KAT6A: variants seen among roughly 807,000 people sequenced by gnomAD.
KAT6A encodes the protein lysine acetyltransferase 6A, also known as histone acetyltransferase KAT6A.
A neutral mutation model predicts 198.4 loss-of-function variants in KAT6A; 9 were observed. The observed-to-expected ratio is 0.05, with a 90% CI of 0.03 to 0.08. KAT6A has a LOEUF of 0.08. Among genes scored for constraint, KAT6A ranks in the 10% least tolerant of loss-of-function variants. The pLI is 1.00. For synonymous variants in KAT6A, 890 were observed against 883.0 expected (o/e 1.01, Z -0.14); for missense variants, 2,077 against 2,509.9 (o/e 0.83, Z 3.69).
At chr8:41,971,906 A>C (rs1253934529) in intron 8 of KAT6A, among the ~76,000 whole-genome samples, 1 of 152,082 alleles carries the variant, frequency 6.6e-6, no homozygotes, top group African/African-American at 2.4e-5. Context: ...AGAAAAAAAA[A>C]ATCAAGATGA....
At chr8:42,036,609 A>C (rs531252302) in intron 2 of KAT6A, among the ~76,000 whole-genome samples, 2 of 152,034 alleles carry the variant, frequency 1.3e-5, no homozygotes, top group South Asian at 4.2e-4. Flanking sequence ...CAAGACTCCA[A>C]CTCAAAAAAA....
chr8:41,969,460 C>G (rs1823668759), intron 8 of KAT6A, among the ~76,000 whole-genome samples: 1 of 152,166 alleles, frequency 6.6e-6, no homozygotes, highest in Non-Finnish European at 1.5e-5. Context: ...AAACTCATCA[C>G]TAAGTTCTGC....
At chr8:42,015,595 T>C (rs535760054) in intron 2 of KAT6A, among the ~76,000 whole-genome samples, 1 of 152,302 alleles carries the variant, frequency 6.6e-6, no homozygotes, top group East Asian at 1.9e-4. Flanking sequence ...AATGTATAGA[T>C]AAATTTCAAC....
At position 41,945,457 on chromosome 8, in the gene KAT6A, A is replaced by G. The variant is rs535218445; in HGVS notation, c.1996+1134T>C. On this transcript the variant is annotated intron_variant, in intron 12 of 16. Transcript: ENST00000265713. ...AGCTAATTTTTTGTATTTTTAGTAG[A>G]GACGAGGTTTCACCATGTTGGGCAG... Among the ~76,000 whole-genome samples the G allele has an allele frequency of 7.2e-5, 11 of 151,850 alleles. No individual in the cohort carries two copies. The South Asian group carries it at 2.1e-3, about 29-fold the overall frequency.
At chr8:41,968,919 T>C (rs1449913230) in intron 8 of KAT6A, among the ~76,000 whole-genome samples, 1 of 152,160 alleles carries the variant, frequency 6.6e-6, no homozygotes, top group African/African-American at 2.4e-5. Flanking sequence ...TTTAAAAAAA[T>C]TAAAACCAAT....
At chr8:41,942,273 ATATTC>A (rs1452167206) in intron 14 of KAT6A, 3 of 226,194 alleles carry the variant, frequency 1.3e-5, no homozygotes, top group Non-Finnish European at 2.6e-5. Context: ...TAGTTACTTA[ATATTC>A]TATTTAAGGA....
chr8:42,008,319 A>T (rs767584501), intron 2 of KAT6A, among the ~76,000 whole-genome samples: 2 of 152,070 alleles, frequency 1.3e-5, no homozygotes, highest in Non-Finnish European at 2.9e-5. Flanking sequence ...GAGCCTAAAA[A>T]CTGAAACCCT....
chr8:42,012,023 C>T (rs183337638), intron 2 of KAT6A, among the ~76,000 whole-genome samples: 1 of 152,120 alleles, frequency 6.6e-6, no homozygotes, highest in African/African-American at 2.4e-5. Context: ...TTCACACAAC[C>T]AATCGTTAGG....
In KAT6A at chr8:41,946,598, G is replaced by A. The variant is rs199835160; in HGVS notation, c.1989C>T (p.Ile663=). The part of the protein sequence containing the change: ...YQRKGYGRFL[I]DFSYLLSKRE... ...AATTAATATAATCCTTACTGAAATC[G>A]ATGAGAAACCTGCCATAGCCCTTAC... The change falls in exon 12 of 17, where the codon ATC becomes ATT. Residue 663 remains isoleucine, a synonymous_variant. Coordinates refer to ENST00000265713, the MANE Select transcript of KAT6A (RefSeq NM_006766.5). 1.1e-5 allele frequency: 17 copies of A among 1,545,626 alleles called. No individual in the cohort carries two copies. Among genetic ancestry groups the A allele is most frequent in the South Asian group, 3.3e-5 (3 of 89,642 alleles).
rs1165625645 is a variant in KAT6A at position 42,035,073 on chromosome 8, G to A, written c.600+13305C>T. ...GAAAATCAATGAAGAAACTACTAAG[G>A]TAATCAGGAGAGAAATGATGAGGAC... On this transcript the variant is annotated intron_variant, in intron 2 of 16. Transcript: ENST00000265713. 2.6e-5 allele frequency among the ~76,000 whole-genome samples: 4 copies of A among 152,158 alleles called. No individual in the cohort carries two copies. In the East Asian group the frequency reaches 7.7e-4, roughly 29 times the overall value.
chr8:42,043,345 A>G (rs1827758950), intron 2 of KAT6A, among the ~76,000 whole-genome samples: 1 of 152,260 alleles, frequency 6.6e-6, no homozygotes, highest in Non-Finnish European at 1.5e-5. Flanking sequence ...ATTCAAGGAA[A>G]ACAGTATTTC....
At chr8:42,026,296 AT>A (rs1826808672) in intron 2 of KAT6A, among the ~76,000 whole-genome samples, 1 of 152,002 alleles carries the variant, frequency 6.6e-6, no homozygotes, top group South Asian at 2.1e-4. Context: ...TGTTTTTTCT[AT>A]TTCTGTGAAC....
chr8:42,030,958 T>C (rs866610617), intron 2 of KAT6A, among the ~76,000 whole-genome samples: 1 of 138,526 alleles, frequency 7.2e-6, no homozygotes, highest in Non-Finnish European at 1.5e-5. Flanking sequence ...TGCATGAGCA[T>C]ATATTGTTAA....
intron 2 of KAT6A, among the ~76,000 whole-genome samples, chr8:42,039,789 A>G (rs1274707506): frequency 1.3e-5 from 2 of 151,856 alleles, no homozygotes; most frequent in Non-Finnish European, 2.9e-5. Context: ...GCTGGAGTGC[A>G]GTAGCGCAAT....
At chr8:41,984,424 G>A (rs781073005) in intron 3 of KAT6A, among the ~76,000 whole-genome samples, 1 of 152,198 alleles carries the variant, frequency 6.6e-6, no homozygotes, top group Non-Finnish European at 1.5e-5. Context: ...CAAGCCCGTG[G>A]CAGCAGCAAC....
chr8:41,947,858 A>G lies in KAT6A; in HGVS notation c.1795T>C (p.Leu599=). 6.2e-7 allele frequency: 1 copy of G among 1,610,552 alleles called. No individual in the cohort carries two copies. The highest frequency in any genetic ancestry group is 8.5e-7 in the Non-Finnish European group (1 of 1,179,116). ...YCQNLCLLAK[L]FLDHKTLYYD... is the part of the protein sequence containing the mutation. Reference sequence around the variant, plus strand: ...TAGAGGGTTTTGTGGTCAAGAAACAACTTTGCCAAAAGACACAGGTTTTGA... The same window carrying G: ...TAGAGGGTTTTGTGGTCAAGAAACAGCTTTGCCAAAAGACACAGGTTTTGA... Residue 599 remains leucine, a synonymous_variant, in exon 11 of 17, where the codon TTG becomes CTG. Transcript: ENST00000265713.
chr8:41,957,260 C>T (rs1434741872), intron 8 of KAT6A: 2 of 566,646 alleles, frequency 3.5e-6, no homozygotes, highest in African/African-American at 3.8e-5. Flanking sequence ...CGTTCCTGCA[C>T]ATGCGCTCAT....
intron 3 of KAT6A, among the ~76,000 whole-genome samples, chr8:41,984,888 C>T (rs1290517769): frequency 1.3e-5 from 2 of 150,538 alleles, no homozygotes; most frequent in Admixed American, 1.3e-4. Context: ...GAGGCTGAGG[C>T]AGGAGAATGG....
At chr8:42,014,194 G>A (rs1331909682) in intron 2 of KAT6A, among the ~76,000 whole-genome samples, 1 of 152,166 alleles carries the variant, frequency 6.6e-6, no homozygotes, top group Non-Finnish European at 1.5e-5. Flanking sequence ...GTTCTAAGGG[G>A]CAGAGCCAAA....
Sources: allele counts gnomAD v4.1 joint callset (sites outside exome capture counted in the v4.1 genomes callset), GRCh38; gene constraint gnomAD v4.1.1; transcripts MANE v1.5; gene names NCBI Gene and HGNC (gene_info 2026-07-23, HGNC 2026-07-21).